The following ZNF548 variants were observed in gnomAD, a reference collection of about 807,000 sequenced individuals.
ZNF548 encodes zinc finger protein 548.
ZNF548 carries 10 observed loss-of-function variants against 10.2 expected under a neutral mutation model. That is an observed-to-expected ratio of 0.98 (90% CI 0.60 to 1.66). The LOEUF is 1.66. Ranked by LOEUF, ZNF548 falls within the 40% of genes most tolerant of loss-of-function variation. ZNF548 has a pLI of 0.00. For missense variants in ZNF548, 599 were observed against 657.0 expected (o/e 0.91, Z 0.97); for synonymous variants, 217 against 223.5 (o/e 0.97, Z 0.26).
intron 1 of ZNF548, among the ~76,000 whole-genome samples, chr19:57,391,834 C>T (rs1200530484): frequency 7.5e-6 from 1 of 133,222 alleles, no homozygotes; most frequent in Non-Finnish European, 1.6e-5. Flanking sequence ...CGCTCCGTCG[C>T]CCAGGCTGGA....
chr19:57,397,645 A>G (rs561697421), intron 3 of ZNF548, among the ~76,000 whole-genome samples: 38 of 152,184 alleles, frequency 2.5e-4, no homozygotes, highest in South Asian at 2.1e-4. Context: ...GTGGGATGCC[A>G]TGGGCTTGAT....
Position 57,399,503 on chromosome 19 carries a change from T to A in ZNF548, c.1252T>A (p.Cys418Ser). 1 of 1,613,990 alleles carries A rather than the reference T, an allele frequency of 6.2e-7. No individual in the cohort carries two copies. Among genetic ancestry groups the A allele is most frequent in the Non-Finnish European group, 8.5e-7 (1 of 1,179,984 alleles). The change falls in exon 4 of 4, where the codon TGC (cysteine) becomes AGC (serine). Residue 418 changes from cysteine to serine, a missense_variant. Transcript: ENST00000336128. The surrounding 1 kb of genome is among the most constrained non-coding windows in gnomAD (Gnocchi z 4.0). ...ATGTGGGAAATCATTTAGGTACCAC[T>A]GCAGGCTCATTAGACACCAGAGAGT... ...SECGKSFRYH[C>S]RLIRHQRVHT... is the part of the protein sequence containing the mutation.
At chr19:57,390,137 C>T (rs759402678) in intron 1 of ZNF548, 23 bp downstream of exon 1, 1 of 1,605,730 alleles carries the variant, frequency 6.2e-7, no homozygotes, top group Non-Finnish European at 8.5e-7. Context: ...TCCCAGGCTC[C>T]CCCGCCCGAC....
At position 57,398,324 on chromosome 19, in the gene ZNF548, CA is replaced by C. The variant is rs2088681801; in HGVS notation, c.179-104del. ...CTGGCCTTAATGTCCATGATGTCCC[CA>C]ATCCCATGGCCTTATTTGTGTGTGT... On this transcript the variant is annotated intron_variant, in intron 3 of 3. Transcript: ENST00000336128. 3.2e-6 allele frequency: 5 copies of C among 1,544,044 alleles called. No individual in the cohort carries two copies. In the Admixed American group the frequency reaches 9.5e-5, roughly 29 times the overall value.
chr19:57,402,375 C>T lies in ZNF548; in HGVS notation c.*2486C>T, dbSNP rs967561347. 1.3e-5 allele frequency: 2 copies of T among 152,188 alleles called. No homozygotes were observed. The highest frequency in any genetic ancestry group is 4.8e-5 in the African/African-American group (2 of 41,446). The allele number at this position is 152,188 out of a possible 1,614,324, so 9.4% of individuals were successfully genotyped here. A position where few individuals can be genotyped will look rare whatever the true frequency, so the allele number is the denominator to read the frequency against. ...TCCAGCCCAAATTACTCAAATTAGC[C>T]AATCCATGGGGAACATGGAAAACGT... is the stretch of plus-strand genomic sequence containing the variant. On this transcript the variant is annotated 3_prime_UTR_variant, in exon 4 of 4. Transcript: ENST00000336128.
At position 57,391,033 on chromosome 19, in the gene ZNF548, G is replaced by A. The variant is rs140777393; in HGVS notation, c.15+919G>A. Among the ~76,000 whole-genome samples, 17 of 152,324 alleles carry A rather than the reference G, an allele frequency of 1.1e-4. No homozygotes were observed. The East Asian group carries it at 1.7e-3, about 16-fold the overall frequency. On this transcript the variant is annotated intron_variant, in intron 1 of 3. Coordinates refer to ENST00000336128, the MANE Select transcript of ZNF548 (RefSeq NM_001172773.2). ...ATGGATATATTTGCATAGTGGTCAA[G>A]TCTGGGCTTTTAATGTATCCATCGC...
At position 57,401,167 on chromosome 19, in the gene ZNF548, CT is replaced by C. The variant is rs1272286763; in HGVS notation, c.*1279del. The C allele has an allele frequency of 6.6e-6, 1 of 152,086 alleles. No individual in the cohort carries two copies. Among genetic ancestry groups the C allele is most frequent in the African/African-American group, 2.4e-5 (1 of 41,402 alleles). 9.4% of individuals were successfully genotyped at this position (152,086 alleles called of 1,614,324 possible). On this transcript the variant is annotated 3_prime_UTR_variant, in exon 4 of 4. Transcript: ENST00000336128. The stretch of plus-strand genomic sequence containing the variant: ...CCAGTCCATAGGTTGCTTTTTCGCT[CT>C]GTTGATTGTGTCCTTTGATGAAATT...
In ZNF548 at chr19:57,390,068, C is replaced by T. The variant is rs2088611641; in HGVS notation, c.-32C>T. On this transcript the variant is annotated 5_prime_UTR_variant, in exon 1 of 4. Transcript: ENST00000336128. ...TTGCCTTTGTCGCTCCCGCCCCGCTCTTCCCTGGCTGGGCTGGCGGAGGCC... is the reference window on the plus strand; with the variant it reads ...TTGCCTTTGTCGCTCCCGCCCCGCTTTTCCCTGGCTGGGCTGGCGGAGGCC... The T allele has an allele frequency of 1.2e-6, 2 of 1,608,052 alleles. No individual in the cohort carries two copies. Among genetic ancestry groups the T allele is most frequent in the Non-Finnish European group, 1.7e-6 (2 of 1,178,964 alleles).
In ZNF548 at chr19:57,401,492, A is replaced by G. The variant is rs2088716367; in HGVS notation, c.*1603A>G. Reference sequence around the variant, plus strand: ...GAAGATGTGTGTAGGTTATATTCAAACACTATGCCTTTTTATGTGAGGGAC... The same window carrying G: ...GAAGATGTGTGTAGGTTATATTCAAGCACTATGCCTTTTTATGTGAGGGAC... On this transcript the variant is annotated 3_prime_UTR_variant, in exon 4 of 4. Coordinates refer to ENST00000336128, the MANE Select transcript of ZNF548 (RefSeq NM_001172773.2). 6.6e-6 allele frequency: 1 copy of G among 152,106 alleles called. No homozygotes were observed. Among genetic ancestry groups the G allele is most frequent in the East Asian group, 1.9e-4 (1 of 5,198 alleles). 9.4% of individuals were successfully genotyped at this position (152,106 alleles called of 1,614,324 possible).
rs775534292 is a variant in ZNF548, at chr19:57,399,436, T to C, written c.1185T>C (p.His395=). The change falls in exon 4 of 4, where the codon CAT becomes CAC. Residue 395 remains histidine, a synonymous_variant. Coordinates refer to ENST00000336128, the MANE Select transcript of ZNF548 (RefSeq NM_001172773.2). The surrounding 1 kb of genome is among the most constrained non-coding windows in gnomAD (Gnocchi z 4.0). ...LFRYNSSLVK[H]WRNHTGERPY... ...GGTACAACTCCAGCCTTGTTAAACA[T>C]TGGAGAAATCACACTGGAGAAAGGC... The C allele has an allele frequency of 3.7e-6, 6 of 1,613,818 alleles. No individual in the cohort carries two copies. Among genetic ancestry groups the C allele is most frequent in the Non-Finnish European group, 4.2e-6 (5 of 1,179,970 alleles).
intron 2 of ZNF548, chr19:57,396,841 A>T (rs1046655694): frequency 2.9e-5 from 18 of 628,778 alleles, no homozygotes; most frequent in Non-Finnish European, 4.4e-5. Context: ...GTTTTGCAGT[A>T]CCTGGCCCTG....
rs374379021 is a variant in ZNF548, at chr19:57,402,568, T to C, written c.*2679T>C. On this transcript the variant is annotated 3_prime_UTR_variant, in exon 4 of 4. Transcript: ENST00000336128. ...TGTATCCAAGTGACATTGGGTTGTTTCTTGCTATCAGAAGAACCCAGAAAA... is the reference window on the plus strand; with the variant it reads ...TGTATCCAAGTGACATTGGGTTGTTCCTTGCTATCAGAAGAACCCAGAAAA... 39 of 152,352 alleles carry C rather than the reference T, an allele frequency of 2.6e-4. No homozygotes were observed. Among genetic ancestry groups the C allele is most frequent in the African/African-American group, 9.4e-4 (39 of 41,580 alleles). 9.4% of individuals were successfully genotyped at this position (152,352 alleles called of 1,614,324 possible).
chr19:57,399,021 C>T lies in ZNF548; in HGVS notation c.770C>T (p.Thr257Ile). ...AGTGCCAATTTCATGAAACATCAGA[C>T]AGTTCACACTAGTGAAAGGACTTAT... ...KYSANFMKHQ[T>I]VHTSERTYEC... The change falls in exon 4 of 4, where the codon ACA becomes ATA. Residue 257 changes from threonine to isoleucine, a missense_variant. Thr to Ile is a moderately conservative substitution (Grantham distance 89). Transcript: ENST00000336128. The surrounding 1 kb of genome is among the most constrained non-coding windows in gnomAD (Gnocchi z 4.0). 1 of 1,614,118 alleles carries T rather than the reference C, an allele frequency of 6.2e-7. No homozygotes were observed. The highest frequency in any genetic ancestry group is 8.5e-7 in the Non-Finnish European group (1 of 1,179,980).
At position 57,398,902 on chromosome 19, in the gene ZNF548, C is replaced by A; in HGVS notation, c.651C>A (p.Thr217=). The change falls in exon 4 of 4, where the codon ACC becomes ACA. Residue 217 remains threonine, a synonymous_variant. Coordinates refer to ENST00000336128, the MANE Select transcript of ZNF548 (RefSeq NM_001172773.2). ...ACAAATGTAGTGAATGTGGGAAAAC[C>A]TTCACCTGCAGCTATTCATTTGTTG... ...NDYKCSECGK[T]FTCSYSFVEH... 6.2e-7 allele frequency: 1 copy of A among 1,613,996 alleles called. No homozygotes were observed. Among genetic ancestry groups the A allele is most frequent in the East Asian group, 2.2e-5 (1 of 44,882 alleles).
intron 1 of ZNF548, among the ~76,000 whole-genome samples, chr19:57,391,962 T>A (rs374863257): frequency 6.6e-6 from 1 of 151,962 alleles, no homozygotes; most frequent in African/African-American, 2.4e-5. Flanking sequence ...CACGCCCAGC[T>A]AATTTTTTGT....
intron 1 of ZNF548, chr19:57,390,677 C>G (rs1203481222): frequency 6.6e-6 from 1 of 152,368 alleles, no homozygotes; most frequent in African/African-American, 2.4e-5. Context: ...AGAACCGTTT[C>G]AAGTGTTTGT....
rs374154228 is a variant in ZNF548 at position 57,399,404 on chromosome 19, T to C, written c.1153T>C (p.Leu385=). 2.4e-5 allele frequency: 39 copies of C among 1,613,190 alleles called. No individual in the cohort carries two copies. Among genetic ancestry groups the C allele is most frequent in the Non-Finnish European group, 3.1e-5 (36 of 1,179,862 alleles). Residue 385 remains leucine (L), a synonymous_variant, in exon 4 of 4, where the codon TTG becomes CTG. Transcript: ENST00000336128. This position sits in a 1 kb window ranked among gnomAD's most constrained non-coding sequence, Gnocchi z 4.0. ...RPYECSVCGE[L]FRYNSSLVKH... is the part of the protein sequence containing the mutation. ...TTATGAGTGCAGTGTATGTGGGGAA[T>C]TGTTTAGGTACAACTCCAGCCTTGT...
At position 57,394,665 on chromosome 19, in the gene ZNF548, G is replaced by C. The variant is rs1378913328; in HGVS notation, c.51+442G>C. ...AGGTAGTGATAGGACCCCAGTTTAA[G>C]AGACTTTCTTTGGCTTCTGAGTGGA... On this transcript the variant is annotated intron_variant, in intron 2 of 3. Transcript: ENST00000336128. Among the ~76,000 whole-genome samples the C allele has an allele frequency of 2.0e-5, 3 of 152,158 alleles. No homozygotes were observed. In the South Asian group the frequency reaches 6.2e-4, roughly 32 times the overall value.
At chr19:57,396,405 G>A (rs1054056753) in intron 2 of ZNF548, among the ~76,000 whole-genome samples, 26 of 152,306 alleles carry the variant, frequency 1.7e-4, no homozygotes, top group Middle Eastern at 3.4e-3. Flanking sequence ...TCAATATGGA[G>A]AGAAAAGTCA....
Sources: gnomAD v4.1 joint callset for allele counts (sites outside exome capture counted in the v4.1 genomes callset) on GRCh38, gnomAD v4.1.1 for gene constraint, Gnocchi (gnomAD v3.1) non-coding constraint, MANE v1.5 for transcripts, NCBI Gene and HGNC (gene_info 2026-07-23, HGNC 2026-07-21) for gene names.